SSUH2: variants seen among roughly 807,000 people sequenced by gnomAD.
SSUH2 encodes the protein ssu-2 homolog, also known as protein SSUH2 homolog.
In SSUH2, 47 loss-of-function variants were observed where a neutral mutation model predicts 55.3. The ratio of observed to expected loss-of-function variants is 0.85; its 90% confidence interval spans 0.67 to 1.08. SSUH2 has a LOEUF of 1.08. Among genes scored for constraint, SSUH2 ranks in the 50% least tolerant of loss-of-function variants. The pLI is 0.00. For missense variants in SSUH2, 535 were observed against 490.7 expected (o/e 1.09, Z -0.85); for synonymous variants, 212 against 191.5 (o/e 1.11, Z -0.89).
Position 8,635,281 on chromosome 3 carries a change from A to T in SSUH2, c.209+19T>A. ...ACATAGGAAATGCACACAGTCACAGAGTACAACCTGAAACTCACCTGTGTT... is the reference window on the plus strand; with the variant it reads ...ACATAGGAAATGCACACAGTCACAGTGTACAACCTGAAACTCACCTGTGTT... On this transcript the variant is annotated intron_variant, in intron 3 of 11. Transcript: ENST00000544814. The T allele has an allele frequency of 6.5e-7, 1 of 1,526,800 alleles. No individual in the cohort carries two copies. The highest frequency in any genetic ancestry group is 8.8e-7 in the Non-Finnish European group (1 of 1,139,418). 94.6% of individuals were successfully genotyped at this position (1,526,800 alleles called of 1,614,324 possible).
intron 6 of SSUH2, among the ~76,000 whole-genome samples, chr3:8,661,086 T>C (rs372596764): frequency 2.8e-4 from 43 of 152,392 alleles, no homozygotes; most frequent in African/African-American, 9.1e-4. Flanking sequence ...TTGGACTTAC[T>C]GTCTGACGCC....
At chr3:8,680,867 A>T (rs1316791724) in intron 1 of SSUH2, among the ~76,000 whole-genome samples, 1 of 152,022 alleles carries the variant, frequency 6.6e-6, no homozygotes, top group Non-Finnish European at 1.5e-5. Flanking sequence ...TCTGTCTATT[A>T]TGGGGAGTAA....
chr3:8,680,660 TC>T (rs887610636), intron 1 of SSUH2, among the ~76,000 whole-genome samples: 2 of 151,986 alleles, frequency 1.3e-5, no homozygotes, highest in Non-Finnish European at 2.9e-5. Context: ...GGGTACAACA[TC>T]CCTGGGGGTT....
chr3:8,680,447 G>T (rs1238966023), intron 1 of SSUH2, among the ~76,000 whole-genome samples: 1 of 151,898 alleles, frequency 6.6e-6, no homozygotes, highest in African/African-American at 2.4e-5. Flanking sequence ...TGTACAGAGG[G>T]TATACACCTG....
rs1039594331 is a variant in SSUH2, at chr3:8,633,971, C to T, written c.210-176G>A. 6 of 1,610,178 alleles carry T rather than the reference C, an allele frequency of 3.7e-6. No homozygotes were observed. In the African/African-American group the frequency reaches 5.3e-5, roughly 14 times the overall value. On this transcript the variant is annotated intron_variant, in intron 3 of 11. Transcript: ENST00000544814. The stretch of plus-strand genomic sequence containing the variant: ...AAAGGGGACCATGTGAACGGGTGCC[C>T]AGCGTGAGAACGGGGCAGGTTTTCC...
chr3:8,633,649 C>T lies in SSUH2; in HGVS notation c.339+17G>A, dbSNP rs542333269. ...CAGCCCCCCGGCCAAGGCCCCCCACCGGCCCTGGCCTCTCACCCTGCAGAG... is the reference window on the plus strand; with the variant it reads ...CAGCCCCCCGGCCAAGGCCCCCCACTGGCCCTGGCCTCTCACCCTGCAGAG... On this transcript the variant is annotated intron_variant, in intron 4 of 11. Transcript: ENST00000544814. 130 of 1,500,510 alleles carry T rather than the reference C, an allele frequency of 8.7e-5. No homozygotes were observed. Among genetic ancestry groups the T allele is most frequent in the Non-Finnish European group, 1.1e-4 (121 of 1,126,514 alleles). The allele number at this position is 1,500,510 out of a possible 1,614,324, so 92.9% of individuals were successfully genotyped here. A position where few individuals can be genotyped will look rare whatever the true frequency, so the allele number is the denominator to read the frequency against.
intron 7 of SSUH2, among the ~76,000 whole-genome samples, chr3:8,656,731 G>A (rs1420576107): frequency 6.6e-6 from 1 of 152,204 alleles, no homozygotes; most frequent in Non-Finnish European, 1.5e-5. Flanking sequence ...CTGAGGCACA[G>A]GGAGGAAGTG....
chr3:8,678,463 C>G (rs996792491), intron 2 of SSUH2, among the ~76,000 whole-genome samples: 3 of 151,602 alleles, frequency 2.0e-5, no homozygotes, highest in African/African-American at 7.3e-5. Flanking sequence ...TCTATCCCCC[C>G]CTGGCTCTTA....
At chr3:8,633,929 G>A (rs746230349) in intron 3 of SSUH2, 134 bp from the exon 4 acceptor site, 1 of 1,613,942 alleles carries the variant, frequency 6.2e-7, no homozygotes, top group South Asian at 1.1e-5. Context: ...AGTCCAACTG[G>A]GGAGGGCATC....
upstream of SSUH2, among the ~76,000 whole-genome samples, chr3:8,648,818 C>T (rs1006848215): frequency 3.9e-5 from 6 of 152,160 alleles, no homozygotes; most frequent in Admixed American, 3.3e-4. Flanking sequence ...CAGGACTCTA[C>T]CAATCCTGAT....
intron 11 of SSUH2, among the ~76,000 whole-genome samples, chr3:8,621,667 TGAGACAACCA>T (rs1314435436): frequency 2.0e-5 from 3 of 152,162 alleles, no homozygotes; most frequent in African/African-American, 7.2e-5. Context: ...ACAGAGTTGT[TGAGACAACCA>T]GATAAGACCC....
intron 3 of SSUH2, among the ~76,000 whole-genome samples, chr3:8,674,878 A>G (rs1332916108): frequency 2.6e-5 from 4 of 152,060 alleles, no homozygotes; most frequent in African/African-American, 9.7e-5. Context: ...GTCCGGGCGG[A>G]AGACAACCCT....
At chr3:8,646,964 A>G (rs1477400053), upstream of SSUH2, among the ~76,000 whole-genome samples, 1 of 152,234 alleles carries the variant, frequency 6.6e-6, no homozygotes, top group Non-Finnish European at 1.5e-5. Context: ...CATTTGTGGA[A>G]TTAGCACAGC....
chr3:8,633,527 C>T, intron 4 of SSUH2, 139 bp downstream of exon 4: 1 of 585,002 alleles, frequency 1.7e-6, no homozygotes. Context: ...GATTCAACAT[C>T]ACCACCGCTC....
At chr3:8,663,717 G>A (rs976857070) in intron 6 of SSUH2, 4 of 441,142 alleles carry the variant, frequency 9.1e-6, no homozygotes, top group African/African-American at 8.1e-5. Context: ...AAGCTATTGG[G>A]ACACACTGGT....
At chr3:8,680,497 A>G (rs946496426) in intron 1 of SSUH2, among the ~76,000 whole-genome samples, 4 of 152,002 alleles carry the variant, frequency 2.6e-5, no homozygotes, top group Admixed American at 6.6e-5. Flanking sequence ...CTCCCTGAAT[A>G]TTAAGAACAG....
intron 6 of SSUH2, among the ~76,000 whole-genome samples, chr3:8,630,307 G>A (rs1236726592): frequency 6.6e-6 from 1 of 152,148 alleles, no homozygotes; most frequent in African/African-American, 2.4e-5. Flanking sequence ...CACAATATGA[G>A]CTATCTCAGT....
At chr3:8,643,345 G>C (rs1029397307) in intron 1 of SSUH2, among the ~76,000 whole-genome samples, 1 of 152,164 alleles carries the variant, frequency 6.6e-6, no homozygotes, top group Admixed American at 6.5e-5. Flanking sequence ...ATCTGACCTA[G>C]TCCATTGCTA....
intron 6 of SSUH2, among the ~76,000 whole-genome samples, chr3:8,660,730 T>C (rs1352217582): frequency 6.6e-6 from 1 of 152,264 alleles, no homozygotes; most frequent in African/African-American, 2.4e-5. Context: ...ATAGATTATA[T>C]GACCTATCAT....
Sources: allele counts gnomAD v4.1 joint callset (sites outside exome capture counted in the v4.1 genomes callset), GRCh38; gene constraint gnomAD v4.1.1; transcripts MANE v1.5; gene names NCBI Gene and HGNC (gene_info 2026-07-23, HGNC 2026-07-21).